The following ATOH8 variants were observed in gnomAD, a reference collection of about 807,000 sequenced individuals.
ATOH8 encodes the protein transcription factor ATOH8.
ATOH8 carries 9 observed loss-of-function variants against 21.2 expected under a neutral mutation model. The ratio of observed to expected loss-of-function variants is 0.42; its 90% CI spans 0.26 to 0.74. The LOEUF (loss-of-function observed/expected upper bound fraction) is 0.74. Ranked by LOEUF, ATOH8 falls within the 30% of genes least tolerant of loss-of-function variation. ATOH8 has a pLI of 0.24. For missense variants in ATOH8, 524 were observed against 470.9 expected, an observed-to-expected ratio of 1.11 and a Z score of -1.04; for synonymous variants, 253 against 224.0, an observed-to-expected ratio of 1.13 and a Z score of -1.16.
At chr2:85,764,532 C>G (rs1679954763) in intron 2 of ATOH8, among the ~76,000 whole-genome samples, 1 of 152,198 alleles carries the variant, frequency 6.6e-6, no homozygotes, top group African/African-American at 2.4e-5. Context: ...AGATGTCATA[C>G]CAGGACAAGA....
chr2:85,756,146 T>G (rs1459587337), intron 1 of ATOH8, among the ~76,000 whole-genome samples: 1 of 125,482 alleles, frequency 8.0e-6, no homozygotes, highest in Non-Finnish European at 1.6e-5. Context: ...CCAAAGTGTC[T>G]TGCTTGGGCT....
chr2:85,767,560 T>TCCCC (rs1209422732), intron 2 of ATOH8, among the ~76,000 whole-genome samples: 1 of 34,606 alleles, frequency 2.9e-5, no homozygotes, highest in Non-Finnish European at 5.9e-5. Context: ...TGGTATTCCC[T>TCCCC]CTTCCCCTCC....
intron 2 of ATOH8, among the ~76,000 whole-genome samples, chr2:85,769,392 T>G (rs1464767949): frequency 6.6e-6 from 1 of 151,760 alleles, no homozygotes; most frequent in East Asian, 1.9e-4. Flanking sequence ...CCCCCCCGGG[T>G]GGTGTGCCTG....
chr2:85,776,677 C>T (rs1247140285), intron 2 of ATOH8, among the ~76,000 whole-genome samples: 2 of 152,166 alleles, frequency 1.3e-5, no homozygotes, highest in South Asian at 2.1e-4. Flanking sequence ...CCCTGGAAGG[C>T]GGCTGATTGA....
chr2:85,785,902 G>A lies in ATOH8; in HGVS notation c.961-983G>A, dbSNP rs1040032776. 2.6e-5 allele frequency among the ~76,000 whole-genome samples: 4 copies of A among 152,188 alleles called. No homozygotes were observed. The highest frequency in any genetic ancestry group is 4.8e-5 in the African/African-American group (2 of 41,442). On this transcript the variant is annotated intron_variant, in intron 2 of 2. Coordinates refer to ENST00000306279, the MANE Select transcript of ATOH8 (RefSeq NM_032827.7). This position sits in a 1 kb window ranked among gnomAD's most constrained non-coding sequence, Gnocchi z 4.1. ...GCTTTAAGAGGGTTATGTTGTACCA[G>A]GTTCAGGGACTTTGTTATTTTTCAT...
chr2:85,757,644 C>T lies in ATOH8; in HGVS notation c.768+2687C>T, dbSNP rs531229747. Among the ~76,000 whole-genome samples the T allele has an allele frequency of 7.2e-5, 11 of 152,248 alleles. No individual in the cohort carries two copies. In the South Asian group the frequency reaches 2.1e-3, roughly 29 times the overall value. ...CCTCCCCTGCATGCCTTCTGTGTGG[C>T]TGTGGACAAGTCACTGACCCTTTCT... On this transcript the variant is annotated intron_variant, in intron 1 of 2. Transcript: ENST00000306279.
chr2:85,755,033 G>A, intron 1 of ATOH8, 76 bp downstream of exon 1: 13 of 1,469,680 alleles, frequency 8.8e-6, no homozygotes, highest in East Asian at 2.5e-5. Flanking sequence ...GGCCGGGGCG[G>A]GATAGAGGTG....
intron 1 of ATOH8, among the ~76,000 whole-genome samples, chr2:85,759,019 T>G (rs1006822140): frequency 6.6e-6 from 1 of 152,168 alleles, no homozygotes; most frequent in Admixed American, 6.5e-5. Context: ...ATGGCAGCAA[T>G]GGAAGACAGT....
rs115421397 is a variant in ATOH8, at chr2:85,781,660, G to T, written c.961-5225G>T. On this transcript the variant is annotated intron_variant, in intron 2 of 2. Coordinates refer to ENST00000306279, the MANE Select transcript of ATOH8 (RefSeq NM_032827.7). ...GGAGGCTGAGGTTGGAGGATCGCTT[G>T]AGCCCTTAAGTTTGAGACCAGCCTG... Among the ~76,000 whole-genome samples the T allele has an allele frequency of 5.4e-3, 819 of 152,150 alleles. 9 individuals are homozygous for T. Among genetic ancestry groups the T allele is most frequent in the African/African-American group, 0.019 (773 of 41,500 alleles).
chr2:85,785,217 C>G lies in ATOH8; in HGVS notation c.961-1668C>G, dbSNP rs1206124838. 6.6e-6 allele frequency among the ~76,000 whole-genome samples: 1 copy of G among 152,244 alleles called. No homozygotes were observed. The highest frequency in any genetic ancestry group is 1.5e-5 in the Non-Finnish European group (1 of 68,046). On this transcript the variant is annotated intron_variant, in intron 2 of 2. Transcript: ENST00000306279. The surrounding 1 kb of genome is among the most constrained non-coding windows in gnomAD (Gnocchi z 4.1). ...CTTTTCTGCCCATGGCAGGGCCCGC[C>G]CAGGCAGCCAGCGCCGGGATGACGC...
At chr2:85,782,679 TTTGTTGTTGTTG>T (rs141808495) in intron 2 of ATOH8, among the ~76,000 whole-genome samples, 1 of 151,874 alleles carries the variant, frequency 6.6e-6, no homozygotes, top group African/African-American at 2.4e-5. Context: ...CCAGTATTTA[TTTGTTGTTGTTG>T]TTGTTGTTGT....
intron 2 of ATOH8, among the ~76,000 whole-genome samples, chr2:85,777,592 A>G (rs1354786593): frequency 6.6e-6 from 1 of 152,216 alleles, no homozygotes; most frequent in African/African-American, 2.4e-5. Context: ...TACATCCAGT[A>G]ATGTCGGGCT....
At chr2:85,763,584 GC>G (rs1191207478) in intron 1 of ATOH8, among the ~76,000 whole-genome samples, 1 of 152,116 alleles carries the variant, frequency 6.6e-6, no homozygotes, top group Admixed American at 6.5e-5. Context: ...CTCCCCAAGT[GC>G]CCAGCAAAAC....
chr2:85,777,667 ACATGTGGCTT>A (rs1680362073), intron 2 of ATOH8, among the ~76,000 whole-genome samples: 1 of 152,170 alleles, frequency 6.6e-6, no homozygotes, highest in South Asian at 2.1e-4. Flanking sequence ...GGCACAGAAA[ACATGTGGCTT>A]CCTTTCTCCA....
At position 85,786,993 on chromosome 2, in the gene ATOH8, A is replaced by T; in HGVS notation, c.*103A>T. 6.9e-7 allele frequency: 1 copy of T among 1,453,494 alleles called. No homozygotes were observed. The highest frequency in any genetic ancestry group is 9.5e-7 in the Non-Finnish European group (1 of 1,047,750). 90.0% of individuals were successfully genotyped at this position (1,453,494 alleles called of 1,614,324 possible). A position where few individuals can be genotyped will look rare whatever the true frequency, so the allele number is the denominator to read the frequency against. ...GTCCAGCCTCGTGGTCTTCTCCAAG[A>T]TGCCGCCAGATGCCCAGCCTACAGC... On this transcript the variant is annotated 3_prime_UTR_variant, in exon 3 of 3. Coordinates refer to ENST00000306279, the MANE Select transcript of ATOH8 (RefSeq NM_032827.7).
At position 85,791,229 on chromosome 2, in the gene ATOH8, G is replaced by C. The variant is rs1249068833; in HGVS notation, c.*4339G>C. Among the ~76,000 whole-genome samples, 1 of 152,104 alleles carries C rather than the reference G, an allele frequency of 6.6e-6. No individual in the cohort carries two copies. The highest frequency in any genetic ancestry group is 1.5e-5 in the Non-Finnish European group (1 of 68,022). ...AATGACAGTGTTTTCCAGAACTGTG[G>C]GTACGTGTCTAATCTCAGATGGTAC... On this transcript the variant is annotated 3_prime_UTR_variant, in exon 3 of 3. Transcript: ENST00000306279.
chr2:85,758,816 G>A (rs1182241169), intron 1 of ATOH8, among the ~76,000 whole-genome samples: 2 of 152,238 alleles, frequency 1.3e-5, no homozygotes, highest in African/African-American at 4.8e-5. Flanking sequence ...TGCACAGCTG[G>A]CCTGGCCCCG....
intron 2 of ATOH8, among the ~76,000 whole-genome samples, chr2:85,781,416 A>T (rs1470559518): frequency 6.6e-6 from 1 of 151,858 alleles, no homozygotes; most frequent in Non-Finnish European, 1.5e-5. Context: ...AAAATACAAA[A>T]ATTAACCGGG....
chr2:85,763,670 C>T (rs1679926772), intron 1 of ATOH8, among the ~76,000 whole-genome samples: 1 of 152,120 alleles, frequency 6.6e-6, no homozygotes, highest in Admixed American at 6.5e-5. Flanking sequence ...CAGAGAGATT[C>T]CTCCTCAAGA....
Sources: allele counts gnomAD v4.1 joint callset (sites outside exome capture counted in the v4.1 genomes callset), GRCh38; gene constraint gnomAD v4.1.1; non-coding constraint Gnocchi (gnomAD v3.1); transcripts MANE v1.5; gene names NCBI Gene and HGNC (gene_info 2026-07-23, HGNC 2026-07-21).